RUBCNL: variants seen among roughly 807,000 people sequenced by gnomAD.
RUBCNL encodes the protein protein associated with UVRAG as autophagy enhancer.
In RUBCNL, 62 loss-of-function variants were observed where a neutral mutation model predicts 69.5. The ratio of observed to expected loss-of-function variants is 0.89; its 90% CI spans 0.73 to 1.10. The LOEUF is 1.10. Among genes scored for constraint, RUBCNL ranks in the 50% least tolerant of loss-of-function variants. The pLI is 0.00. For missense variants in RUBCNL, 768 were observed against 798.1 expected (o/e 0.96, Z 0.45); for synonymous variants, 291 against 303.6 (o/e 0.96, Z 0.43).
At chr13:46,377,835 A>G (rs2049029099) in intron 2 of RUBCNL, 55 bp downstream of exon 2, 1 of 1,003,062 alleles carries the variant, frequency 1.0e-6, no homozygotes, top group Admixed American at 2.2e-5. Flanking sequence ...ACCATGTCTA[A>G]GGTCACAGCT....
chr13:46,389,755 G>A (rs2049312687), upstream of RUBCNL: 1 of 152,190 alleles, frequency 6.6e-6, no homozygotes, highest in Admixed American at 6.5e-5. The surrounding 1 kb of genome is among the most constrained non-coding windows in gnomAD (Gnocchi z 4.2). Flanking sequence ...AAACATTCAA[G>A]GACAGGTTTT....
At chr13:46,377,242 T>C (rs2138828166) in intron 2 of RUBCNL, among the ~76,000 whole-genome samples, 1 of 152,248 alleles carries the variant, frequency 6.6e-6, no homozygotes, top group East Asian at 1.9e-4. Flanking sequence ...GGTAAAGCAG[T>C]AGTGATTCCA....
intron 1 of RUBCNL, among the ~76,000 whole-genome samples, chr13:46,380,339 A>G (rs2049091514): frequency 6.6e-6 from 1 of 152,234 alleles, no homozygotes; most frequent in African/African-American, 2.4e-5. Flanking sequence ...CTGCAAAGTT[A>G]TAATTTGCAA....
At chr13:46,387,103 C>T (rs1168615933) in intron 1 of RUBCNL, 31 bp downstream of exon 1, 8 of 985,754 alleles carry the variant, frequency 8.1e-6, no homozygotes, top group Non-Finnish European at 8.4e-6. Context: ...CCGCGCCGCT[C>T]CCATCTCGCC....
intron 9 of RUBCNL, among the ~76,000 whole-genome samples, chr13:46,357,729 A>C (rs1470756903): frequency 6.6e-6 from 1 of 151,076 alleles, no homozygotes; most frequent in Non-Finnish European, 1.5e-5. Context: ...TCCCAGGTTC[A>C]AGCAGTTCTC....
chr13:46,344,011 A>G (rs1021736246), intron 14 of RUBCNL, among the ~76,000 whole-genome samples: 1 of 152,176 alleles, frequency 6.6e-6, no homozygotes, highest in Non-Finnish European at 1.5e-5. Flanking sequence ...GCTCCACTGC[A>G]ACCCCACCAC....
chr13:46,388,384 C>T (rs188681112), upstream of RUBCNL, among the ~76,000 whole-genome samples: 937 of 100,110 alleles, frequency 9.4e-3, 13 homozygotes, highest in African/African-American at 0.03. Flanking sequence ...GAAGGAAGGG[C>T]GAAGGAAGGA....
In RUBCNL at chr13:46,362,953, T is replaced by G. The variant is rs1307349422; in HGVS notation, c.925+162A>C. 7.3e-5 allele frequency among the ~76,000 whole-genome samples: 5 copies of G among 68,180 alleles called. 1 individual carries two copies. The South Asian group carries it at 1.6e-3, about 21-fold the overall frequency. 44.7% of individuals were successfully genotyped at this position (68,180 alleles called of 152,430 possible). ...ATATATATATAGATATATATATATA[T>G]ATATATATATATATATATATATCAG... On this transcript the variant is annotated intron_variant, in intron 6 of 14. Transcript: ENST00000429979.
chr13:46,372,549 T>G lies in RUBCNL; in HGVS notation c.-74A>C. On this transcript the variant is annotated 5_prime_UTR_variant, in exon 3 of 15. Transcript: ENST00000429979. ...TCCCTGATTGCTGGTACTACTTGAT[T>G]TGGGCCCTGAACTCACCACATGGCC... 1 of 1,511,164 alleles carries G rather than the reference T, an allele frequency of 6.6e-7. No homozygotes were observed. The highest frequency in any genetic ancestry group is 2.5e-5 in the East Asian group (1 of 40,584). 93.6% of individuals were successfully genotyped at this position (1,511,164 alleles called of 1,614,324 possible).
intron 1 of RUBCNL, among the ~76,000 whole-genome samples, chr13:46,386,671 C>T (rs1354816325): frequency 2.0e-5 from 3 of 152,188 alleles, no homozygotes; most frequent in Non-Finnish European, 2.9e-5. Flanking sequence ...ACACTCCAGC[C>T]TAGCTCAGTT....
At chr13:46,345,404 C>T in intron 13 of RUBCNL, 43 bp downstream of exon 13, 1 of 1,545,114 alleles carries the variant, frequency 6.5e-7, no homozygotes, top group Non-Finnish European at 8.7e-7. Context: ...CCAGCACAGG[C>T]CCTGGTGCAT....
At chr13:46,366,445 G>A (rs138852240) in intron 5 of RUBCNL, among the ~76,000 whole-genome samples, 110 of 152,288 alleles carry the variant, frequency 7.2e-4, no homozygotes, top group Middle Eastern at 3.4e-3. Context: ...CAAAGTCCCC[G>A]AAAAGATAGA....
chr13:46,378,103 G>A, intron 1 of RUBCNL, 98 bp from the exon 2 acceptor site: 1 of 656,184 alleles, frequency 1.5e-6, no homozygotes, highest in Non-Finnish European at 2.5e-6. Context: ...ATTCAGTTAA[G>A]AAATATTTTT....
At chr13:46,360,793 A>C (rs1367612099) in intron 8 of RUBCNL, among the ~76,000 whole-genome samples, 1 of 152,230 alleles carries the variant, frequency 6.6e-6, no homozygotes, top group Non-Finnish European at 1.5e-5. Flanking sequence ...GAGGGAACCA[A>C]CATGTACTTT....
intron 1 of RUBCNL, among the ~76,000 whole-genome samples, chr13:46,381,372 CAT>C (rs748468393): frequency 9.4e-5 from 14 of 149,358 alleles, no homozygotes; most frequent in Admixed American, 2.0e-4. Context: ...AAAGACATTT[CAT>C]ATATATATAT....
chr13:46,349,151 G>A (rs1373538612), intron 12 of RUBCNL, 135 bp downstream of exon 12: 1 of 698,350 alleles, frequency 1.4e-6, no homozygotes, highest in Non-Finnish European at 2.5e-6. Context: ...GAGATGGCAT[G>A]ATTTCCCAAG....
In RUBCNL at chr13:46,362,587, A is replaced by T; in HGVS notation, c.937T>A (p.Phe313Ile). ...CTACAGGTTTCTGTGATATCATTAA[A>T]ATCTCCAAGCTCTGTGGGAAAATAA... is the stretch of plus-strand genomic sequence containing the variant. The part of the protein sequence containing the change: ...DEFVILELGD[F>I]NDITETCSCS... Residue 313 changes from phenylalanine to isoleucine, a missense_variant, in exon 7 of 15, where the codon TTT becomes ATT. Phe to Ile is a conservative substitution (Grantham distance 21). Transcript: ENST00000429979. 1 of 1,607,924 alleles carries T rather than the reference A, an allele frequency of 6.2e-7. No individual in the cohort carries two copies. The highest frequency in any genetic ancestry group is 1.3e-5 in the African/African-American group (1 of 74,902).
rs1348164181 is a variant in RUBCNL at position 46,350,136 on chromosome 13, CT to C, written c.1545del (p.Ala516ProfsTer7). On this transcript the variant is annotated frameshift_variant, in exon 11 of 15. Coordinates refer to ENST00000429979, the MANE Select transcript of RUBCNL (RefSeq NM_025113.5). LOFTEE classifies it high-confidence loss of function. ...ACCTTCACTCTGTCCAGCTCCTTGG[CT>C]TTCGCATACAGGCTTTGGCCGATGC... ...LLSIGQSLYA[K>X]AKELDRVKEI... The C allele has an allele frequency of 6.4e-7, 1 of 1,572,212 alleles. No individual in the cohort carries two copies. The highest frequency in any genetic ancestry group is 2.3e-5 in the East Asian group (1 of 42,816).
rs1324857712 is a variant in RUBCNL, at chr13:46,339,577, G to A, written c.*3808C>T. Among the ~76,000 whole-genome samples, 1 of 152,136 alleles carries A rather than the reference G, an allele frequency of 6.6e-6. No individual in the cohort carries two copies. The highest frequency in any genetic ancestry group is 2.4e-5 in the African/African-American group (1 of 41,436). On this transcript the variant is annotated 3_prime_UTR_variant, in exon 15 of 15. Coordinates refer to ENST00000429979, the MANE Select transcript of RUBCNL (RefSeq NM_025113.5). ...CACTCTGGGTGGTTTAAAACAACAG[G>A]GTCAGGCGCAGTGGCTCAGGCCTGT...
Sources: gnomAD v4.1 joint callset for allele counts (sites outside exome capture counted in the v4.1 genomes callset) on GRCh38, gnomAD v4.1.1 for gene constraint, Gnocchi (gnomAD v3.1) non-coding constraint, MANE v1.5 for transcripts, NCBI Gene and HGNC (gene_info 2026-07-23, HGNC 2026-07-21) for gene names.